TANC2: variants seen among roughly 807,000 people sequenced by gnomAD.
TANC2 encodes the protein protein TANC2.
TANC2 carries 26 observed loss-of-function variants against 210.5 expected under a neutral mutation model. The ratio of observed to expected loss-of-function variants is 0.12; its 90% CI spans 0.09 to 0.17. TANC2 has a LOEUF of 0.17. TANC2 is among the 10% of genes least tolerant of loss of function. TANC2 has a pLI of 1.00. For synonymous variants in TANC2, 931 were observed against 967.1 expected, an observed-to-expected ratio of 0.96 and a Z score of 0.69; for missense variants, 2,129 against 2,608.9, an observed-to-expected ratio of 0.82 and a Z score of 4.01.
intron 8 of TANC2, among the ~76,000 whole-genome samples, chr17:63,265,289 C>T (rs890272023): frequency 6.6e-6 from 1 of 152,142 alleles, no homozygotes; most frequent in African/African-American, 2.4e-5. Context: ...GTAAACATTT[C>T]AGAATCTCCC....
At chr17:63,009,268 T>A (rs1222104993) in intron 1 of TANC2, among the ~76,000 whole-genome samples, 1 of 152,042 alleles carries the variant, frequency 6.6e-6, no homozygotes, top group Non-Finnish European at 1.5e-5. Context: ...CTTTTTAAAT[T>A]TTTATTTGTT....
intron 2 of TANC2, among the ~76,000 whole-genome samples, chr17:63,066,770 CA>C (rs1398962159): frequency 6.6e-6 from 1 of 151,584 alleles, no homozygotes; most frequent in Non-Finnish European, 1.5e-5. Context: ...TTCTTCCTAG[CA>C]CTGTGCTCCA....
chr17:63,069,499 A>T lies in TANC2; in HGVS notation c.68-4444A>T, dbSNP rs2036320430. On this transcript the variant is annotated intron_variant, in intron 2 of 27. Transcript: ENST00000689528. Reference sequence around the variant, plus strand: ...GAACCTCACAACAGCCTTCAGAAGAAGATGTTACTTTGACCTCAGTTTTAC... The same window carrying T: ...GAACCTCACAACAGCCTTCAGAAGATGATGTTACTTTGACCTCAGTTTTAC... Among the ~76,000 whole-genome samples, 7 of 152,096 alleles carry T rather than the reference A, an allele frequency of 4.6e-5. No homozygotes were observed. In the South Asian group the frequency reaches 1.5e-3, roughly 32 times the overall value.
chr17:62,978,300 C>T (rs902644874), intron 1 of TANC2, among the ~76,000 whole-genome samples: 3 of 152,184 alleles, frequency 2.0e-5, no homozygotes, highest in Admixed American at 6.5e-5. Context: ...TTAACACATT[C>T]TGAGATAAAA....
At chr17:63,061,495 T>C (rs541893381) in intron 2 of TANC2, among the ~76,000 whole-genome samples, 7 of 152,354 alleles carry the variant, frequency 4.6e-5, no homozygotes, top group South Asian at 2.1e-4. Context: ...AAGTTGATAA[T>C]GTCAAGTATA....
chr17:63,281,066 T>C (rs1294136543), intron 9 of TANC2, among the ~76,000 whole-genome samples: 1 of 152,086 alleles, frequency 6.6e-6, no homozygotes, highest in East Asian at 1.9e-4. Context: ...TTAAGAATTA[T>C]GAACAAAATA....
intron 17 of TANC2, among the ~76,000 whole-genome samples, chr17:63,392,581 G>C (rs1334785346): frequency 6.6e-6 from 1 of 152,172 alleles, no homozygotes; most frequent in Middle Eastern, 3.4e-3. Flanking sequence ...TAACAAACCC[G>C]TTTTTCAGAT....
chr17:63,405,336 C>T (rs2048469294), intron 20 of TANC2, 81 bp downstream of exon 20: 6 of 1,414,950 alleles, frequency 4.2e-6, no homozygotes, highest in Non-Finnish European at 5.6e-6. Context: ...GCAAAATGAT[C>T]ACAAGTAAAG....
At chr17:63,314,562 A>G (rs2045252589) in exon 10 of TANC2, 1 of 1,613,830 alleles carries the variant, frequency 6.2e-7, no homozygotes, top group South Asian at 1.1e-5. Context: ...ATTGTGGGAA[A>G]CATTGGATTC....
rs948493738 is a variant in TANC2, at chr17:63,365,834, G to A, written c.2582+10444G>A. 5.3e-5 allele frequency among the ~76,000 whole-genome samples: 8 copies of A among 151,974 alleles called. No individual in the cohort carries two copies. In the South Asian group the frequency reaches 6.2e-4, roughly 12 times the overall value. ...CCTCAGAAAGACTTCTGCTTGTCAC[G>A]TTATCTAAGTAAGTGCCTCCTGGTT... On this transcript the variant is annotated intron_variant, in intron 14 of 27. Coordinates refer to ENST00000689528, the Ensembl canonical transcript of TANC2.
chr17:63,344,172 A>G (rs1244646236), intron 12 of TANC2, among the ~76,000 whole-genome samples: 1 of 152,180 alleles, frequency 6.6e-6, no homozygotes, highest in Non-Finnish European at 1.5e-5. Context: ...ATTGTGAACT[A>G]TGCGTGCAAG....
At chr17:63,180,369 CA>C (rs1392579616) in intron 5 of TANC2, among the ~76,000 whole-genome samples, 2 of 151,984 alleles carry the variant, frequency 1.3e-5, no homozygotes, top group Non-Finnish European at 2.9e-5. Flanking sequence ...CAGTAAGATC[CA>C]AAATATAATT....
chr17:63,256,966 CT>C (rs2043212832), intron 8 of TANC2, among the ~76,000 whole-genome samples: 1 of 151,312 alleles, frequency 6.6e-6, no homozygotes, highest in Admixed American at 6.6e-5. Context: ...CATGGAATAT[CT>C]TTTTTATCCC....
chr17:63,052,818 A>G (rs1019695272), intron 2 of TANC2, among the ~76,000 whole-genome samples: 1 of 152,208 alleles, frequency 6.6e-6, no homozygotes, highest in African/African-American at 2.4e-5. Context: ...TACAGTAAAT[A>G]ATTTATTTGC....
At chr17:63,327,984 C>G (rs181088888) in intron 11 of TANC2, among the ~76,000 whole-genome samples, 1 of 152,304 alleles carries the variant, frequency 6.6e-6, no homozygotes, top group East Asian at 1.9e-4. Context: ...TCCATGTGTT[C>G]TCATTGTTCA....
At chr17:63,146,641 C>T (rs2039471886) in intron 4 of TANC2, among the ~76,000 whole-genome samples, 1 of 149,270 alleles carries the variant, frequency 6.7e-6, no homozygotes. Context: ...GAGTCTTCTG[C>T]CAGTTTCCTC....
chr17:63,152,468 G>A (rs1004267048), intron 5 of TANC2: 5 of 151,998 alleles, frequency 3.3e-5, no homozygotes, highest in Admixed American at 1.3e-4. Flanking sequence ...GCTTTCCTTC[G>A]GGGTATTGAA....
intron 5 of TANC2, chr17:63,155,208 A>T (rs970695160): frequency 6.6e-5 from 10 of 150,938 alleles, no homozygotes; most frequent in African/African-American, 2.5e-4. Context: ...ACCTATCTTT[A>T]AAAAAAACAA....
At chr17:63,221,023 C>G (rs946215094) in intron 7 of TANC2, among the ~76,000 whole-genome samples, 1 of 151,680 alleles carries the variant, frequency 6.6e-6, no homozygotes, top group African/African-American at 2.4e-5. Context: ...TTAACATAAG[C>G]CTAAGTAACC....
Sources: allele counts gnomAD v4.1 joint callset (sites outside exome capture counted in the v4.1 genomes callset), GRCh38; gene constraint gnomAD v4.1.1; transcripts MANE v1.5; gene names NCBI Gene and HGNC (gene_info 2026-07-23, HGNC 2026-07-21).